The following PHIP variants were observed in gnomAD, a reference collection of about 807,000 sequenced individuals.
The protein encoded by PHIP is PHIP subunit of CUL4-Ring ligase complex, also known as PH-interacting protein.
Under a neutral mutation model 236.8 loss-of-function variants are expected in PHIP, and 54 were observed. The observed-to-expected ratio is 0.23, with a 90% CI of 0.18 to 0.29. PHIP has a LOEUF of 0.29. Among genes scored for constraint, PHIP ranks in the 10% least tolerant of loss-of-function variants. The pLI is 1.00. For synonymous variants in PHIP, 756 were observed against 718.9 expected (o/e 1.05, Z -0.83); for missense variants, 1,370 against 2,190.8 (o/e 0.63, Z 7.48).
Position 78,937,115 on chromosome 6 carries a change from A to C in PHIP, c.*3578T>G, listed in dbSNP as rs1401043175. The C allele has an allele frequency of 6.6e-6, 1 of 151,804 alleles. No individual in the cohort carries two copies. The highest frequency in any genetic ancestry group is 2.4e-5 in the African/African-American group (1 of 41,430). The allele number at this position is 151,804 out of a possible 1,614,324, so 9.4% of individuals were successfully genotyped here. ...TCCTGCATATAAGCAGAACACTTACAGTCCTTTAATCACTCAAGTATCTTG... is the reference window on the plus strand; with the variant it reads ...TCCTGCATATAAGCAGAACACTTACCGTCCTTTAATCACTCAAGTATCTTG... On this transcript the variant is annotated 3_prime_UTR_variant, in exon 40 of 40. Transcript: ENST00000275034.
chr6:79,028,078 A>C (rs1216804672), intron 7 of PHIP, among the ~76,000 whole-genome samples: 1 of 152,138 alleles, frequency 6.6e-6, no homozygotes, highest in African/African-American at 2.4e-5. Context: ...ATGTGACTAT[A>C]AAGTATGGTC....
At position 78,937,964 on chromosome 6, in the gene PHIP, G is replaced by A. The variant is rs769487382; in HGVS notation, c.*2729C>T. ...TCTGAACTTTCAGTAAATTGGAGAT[G>A]TTTTTATTGCTTACCTAAGACAACT... On this transcript the variant is annotated 3_prime_UTR_variant, in exon 40 of 40. Coordinates refer to ENST00000275034, the MANE Select transcript of PHIP (RefSeq NM_017934.7). The A allele has an allele frequency of 6.6e-6, 1 of 151,554 alleles. No homozygotes were observed. The highest frequency in any genetic ancestry group is 2.1e-4 in the South Asian group (1 of 4,820). 9.4% of individuals were successfully genotyped at this position (151,554 alleles called of 1,614,324 possible). A position where few individuals can be genotyped will look rare whatever the true frequency, so the allele number is the denominator to read the frequency against.
At chr6:78,989,930 A>T (rs1379068250) in intron 20 of PHIP, among the ~76,000 whole-genome samples, 1 of 152,226 alleles carries the variant, frequency 6.6e-6, no homozygotes, top group Non-Finnish European at 1.5e-5. Context: ...TACTAACAGG[A>T]ATTCTAGCAT....
Position 79,042,854 on chromosome 6 carries a change from G to A in PHIP, c.589C>T (p.Arg197Trp), listed in dbSNP as rs753204166. ...YCVTFDRTGRRIFTGSDDCLV... is the reference protein window; with the variant it reads ...YCVTFDRTGRWIFTGSDDCLV... Reference sequence around the variant, plus strand: ...TAGCAATTACTTACAGTAAATATCCGTCTGCCAGTTCGATCAAAAGTTACA... The same window carrying A: ...TAGCAATTACTTACAGTAAATATCCATCTGCCAGTTCGATCAAAAGTTACA... Residue 197 changes from arginine to tryptophan, a missense_variant, in exon 7 of 40, where the codon CGG (arginine) becomes TGG (tryptophan). Physicochemically the swap from Arg to Trp is moderately radical, Grantham distance 101 (BLOSUM62 -3). Coordinates refer to ENST00000275034, the MANE Select transcript of PHIP (RefSeq NM_017934.7). 2.5e-6 allele frequency: 4 copies of A among 1,596,234 alleles called. No homozygotes were observed. The highest frequency in any genetic ancestry group is 3.4e-6 in the Non-Finnish European group (4 of 1,173,842).
chr6:79,071,127 T>G (rs1297144668), intron 4 of PHIP, among the ~76,000 whole-genome samples: 1 of 152,202 alleles, frequency 6.6e-6, no homozygotes, highest in East Asian at 1.9e-4. Context: ...CCAACCATCC[T>G]TTTCTTACCT....
chr6:78,996,420 T>C (rs1306938635), intron 19 of PHIP, among the ~76,000 whole-genome samples: 1 of 152,244 alleles, frequency 6.6e-6, no homozygotes, highest in Non-Finnish European at 1.5e-5. Context: ...TAGGCTGATT[T>C]ACTATGTCTT....
chr6:79,011,081 T>C (rs1770549894), intron 15 of PHIP, among the ~76,000 whole-genome samples: 1 of 151,862 alleles, frequency 6.6e-6, no homozygotes, highest in Non-Finnish European at 1.5e-5. Flanking sequence ...ATAGAGCCTT[T>C]AGAGTTTAGA....
chr6:79,031,433 T>G (rs1771666745), intron 7 of PHIP, among the ~76,000 whole-genome samples: 1 of 152,142 alleles, frequency 6.6e-6, no homozygotes, highest in South Asian at 2.1e-4. Context: ...GTCAAGACAA[T>G]CTTGTCATCA....
intron 4 of PHIP, among the ~76,000 whole-genome samples, chr6:79,073,320 G>A (rs7744876): frequency 0.96 from 145,413 of 151,954 alleles, 69,458 homozygotes; most frequent in East Asian, 1. Context: ...AACCCTTCAC[G>A]CCTAACATAT....
chr6:78,957,266 T>C (rs955405916), intron 32 of PHIP: 2 of 151,940 alleles, frequency 1.3e-5, no homozygotes, highest in African/African-American at 2.4e-5. Flanking sequence ...TGATTCTCTT[T>C]GAAAAAACAG....
intron 6 of PHIP, among the ~76,000 whole-genome samples, chr6:79,060,123 A>G (rs947693858): frequency 9.3e-5 from 14 of 151,146 alleles, no homozygotes; most frequent in African/African-American, 3.4e-4. Context: ...AAAAAAAAGT[A>G]CTGTGCTCTT....
intron 11 of PHIP, 35 bp from the exon 12 acceptor site, chr6:79,017,421 T>C (rs368149650): frequency 1.9e-6 from 3 of 1,588,258 alleles, no homozygotes; most frequent in African/African-American, 1.4e-5. Flanking sequence ...AAGTGGGTGC[T>C]GAATATAAAC....
At chr6:78,996,034 A>G (rs896169620) in intron 19 of PHIP, among the ~76,000 whole-genome samples, 3 of 152,240 alleles carry the variant, frequency 2.0e-5, no homozygotes, top group African/African-American at 7.2e-5. Context: ...GAATATTTGA[A>G]GAGAAATAAA....
chr6:78,977,271 C>G (rs201938610), intron 24 of PHIP, among the ~76,000 whole-genome samples: 1 of 150,158 alleles, frequency 6.7e-6, no homozygotes, highest in Non-Finnish European at 1.5e-5. Flanking sequence ...TAAACTATTG[C>G]AAGAACAAAA....
chr6:78,988,157 T>TA lies in PHIP; in HGVS notation c.2460+51dup, dbSNP rs1768982623. 8 of 1,332,032 alleles carry TA rather than the reference T, an allele frequency of 6.0e-6. No homozygotes were observed. In the East Asian group the frequency reaches 1.5e-4, roughly 25 times the overall value. The allele number at this position is 1,332,032 out of a possible 1,614,324, so 82.5% of individuals were successfully genotyped here. A position where few individuals can be genotyped will look rare whatever the true frequency, so the allele number is the denominator to read the frequency against. On this transcript the variant is annotated intron_variant, in intron 21 of 39. Coordinates refer to ENST00000275034, the MANE Select transcript of PHIP (RefSeq NM_017934.7). ...AAATGCGAAGAATGAAACTCATATT[T>TA]AAAAAAATAAGTAAAAATGACATCT...
Position 78,940,315 on chromosome 6 carries a change from T to C in PHIP, c.*378A>G, listed in dbSNP as rs1454174344. 1 of 151,868 alleles carries C rather than the reference T, an allele frequency of 6.6e-6. No individual in the cohort carries two copies. The highest frequency in any genetic ancestry group is 1.5e-5 in the Non-Finnish European group (1 of 67,906). 9.4% of individuals were successfully genotyped at this position (151,868 alleles called of 1,614,324 possible). A position where few individuals can be genotyped will look rare whatever the true frequency, so the allele number is the denominator to read the frequency against. On this transcript the variant is annotated 3_prime_UTR_variant, in exon 40 of 40. Coordinates refer to ENST00000275034, the MANE Select transcript of PHIP (RefSeq NM_017934.7). Reference sequence around the variant, plus strand: ...AATAATTCATTTTAACATGAAATGCTCTATCACTAGGAATATTATGCTCCT... The same window carrying C: ...AATAATTCATTTTAACATGAAATGCCCTATCACTAGGAATATTATGCTCCT...
intron 6 of PHIP, among the ~76,000 whole-genome samples, chr6:79,044,957 T>C (rs1026812232): frequency 2.0e-5 from 3 of 152,042 alleles, no homozygotes; most frequent in Admixed American, 1.3e-4. Flanking sequence ...GGAAGCCAAT[T>C]GAAAAAAAAG....
chr6:79,051,281 G>A (rs572642603), intron 6 of PHIP, among the ~76,000 whole-genome samples: 4 of 152,142 alleles, frequency 2.6e-5, no homozygotes, highest in East Asian at 1.9e-4. Context: ...ATAAATCACC[G>A]TAATAGTAAC....
chr6:78,949,246 A>G (rs981298980), intron 35 of PHIP, among the ~76,000 whole-genome samples: 18 of 152,134 alleles, frequency 1.2e-4, no homozygotes, highest in Non-Finnish European at 1.5e-5. Context: ...TTTGCCATCT[A>G]TTCACAGGCC....
Sources: gnomAD v4.1 joint callset for allele counts (sites outside exome capture counted in the v4.1 genomes callset) on GRCh38, gnomAD v4.1.1 for gene constraint, MANE v1.5 for transcripts, NCBI Gene and HGNC (gene_info 2026-07-23, HGNC 2026-07-21) for gene names.